The following PHKA1 variants were observed in gnomAD, a reference collection of about 807,000 sequenced individuals.
PHKA1 encodes phosphorylase kinase regulatory subunit alpha 1.
Under a neutral mutation model 110.2 loss-of-function variants are expected in PHKA1, and 60 were observed. The observed-to-expected ratio is 0.54, with a 90% CI of 0.44 to 0.68. The LOEUF (loss-of-function observed/expected upper bound fraction) is 0.68, where lower values mean the gene tolerates loss of function less well. Among genes scored for constraint, PHKA1 ranks in the 30% least tolerant of loss-of-function variants. PHKA1 has a pLI of 0.00. For missense variants in PHKA1, 801 were observed against 942.5 expected (o/e 0.85, Z 1.97); for synonymous variants, 316 against 333.6 (o/e 0.95, Z 0.58).
At chrX:72,690,084 G>A (rs1237550202) in intron 4 of PHKA1, among the ~76,000 whole-genome samples, 1 of 111,529 alleles carries the variant, frequency 9.0e-6, no homozygotes, top group Non-Finnish European at 1.9e-5. Flanking sequence ...TAAGTTCTGC[G>A]AGTTCTTTTA....
intron 3 of PHKA1, among the ~76,000 whole-genome samples, chrX:72,701,380 T>C (rs1281848445): frequency 3.6e-5 from 4 of 111,978 alleles, no homozygotes; most frequent in African/African-American, 1.3e-4. Context: ...AAACAACTCA[T>C]AGATATTTGA....
At chrX:72,592,368 A>C (rs2052533458) in intron 29 of PHKA1, among the ~76,000 whole-genome samples, 2 of 112,403 alleles carry the variant, frequency 1.8e-5, no homozygotes, top group Admixed American at 1.9e-4. Flanking sequence ...GTCCTGGATG[A>C]AGTGATCTTC....
intron 2 of PHKA1, among the ~76,000 whole-genome samples, chrX:72,705,983 TTC>T (rs1323579280): frequency 4.5e-5 from 5 of 112,248 alleles, no homozygotes; most frequent in Non-Finnish European, 9.4e-5. Flanking sequence ...CCAAAAAGCT[TTC>T]TGTTTCACAG....
intron 10 of PHKA1, 148 bp downstream of exon 10, chrX:72,655,972 C>T (rs187299517): frequency 2.2e-4 from 144 of 663,623 alleles, no homozygotes; most frequent in Middle Eastern, 3.2e-4. Context: ...TCTTTTTACT[C>T]TTAGTGCCCT....
At chrX:72,597,041 G>A (rs1188306789) in intron 28 of PHKA1, among the ~76,000 whole-genome samples, 3 of 112,068 alleles carry the variant, frequency 2.7e-5, no homozygotes, top group Non-Finnish European at 5.6e-5. Context: ...AATGGTGCTG[G>A]AACAGTGACA....
chrX:72,674,251 G>C (rs1366712701), intron 6 of PHKA1, among the ~76,000 whole-genome samples: 1 of 110,509 alleles, frequency 9.0e-6, no homozygotes, highest in Non-Finnish European at 1.9e-5. Flanking sequence ...ATTGTGAATA[G>C]TGCCACAATA....
intron 13 of PHKA1, among the ~76,000 whole-genome samples, chrX:72,649,430 G>A (rs1432453162): frequency 2.7e-5 from 3 of 111,885 alleles, no homozygotes; most frequent in African/African-American, 9.7e-5. Context: ...ATGGGATGGA[G>A]ACAAAAGAGG....
chrX:72,683,943 G>A (rs1556317929), intron 5 of PHKA1, among the ~76,000 whole-genome samples: 1 of 112,284 alleles, frequency 8.9e-6, no homozygotes, highest in Non-Finnish European at 1.9e-5. Context: ...AAGAAAAGTT[G>A]TCTATGTTAG....
At position 72,640,428 on chromosome X, in the gene PHKA1, T is replaced by C. The variant is rs989302355; in HGVS notation, c.1459+3934A>G. On this transcript the variant is annotated intron_variant, in intron 14 of 31. Coordinates refer to ENST00000373542, the MANE Select transcript of PHKA1 (RefSeq NM_002637.4). ...GAAAATAACTTTTGAAGAAATTACG[T>C]TAATACAGCTATCAAACTGGATTGT... is the stretch of plus-strand genomic sequence containing the variant. 3.6e-5 allele frequency among the ~76,000 whole-genome samples: 4 copies of C among 112,006 alleles called. No individual in the cohort carries two copies. The East Asian group carries it at 8.3e-4, about 23-fold the overall frequency.
chrX:72,697,629 T>C (rs1287983565), intron 3 of PHKA1, among the ~76,000 whole-genome samples: 1 of 108,992 alleles, frequency 9.2e-6, no homozygotes, highest in Non-Finnish European at 1.9e-5. Context: ...TTGACTAAAA[T>C]AGTTATCGCA....
At chrX:72,681,444 T>TG (rs782361909) in intron 5 of PHKA1, among the ~76,000 whole-genome samples, 4 of 47,641 alleles carry the variant, frequency 8.4e-5, no homozygotes, top group Admixed American at 2.6e-4. Flanking sequence ...GGGAGGGAGG[T>TG]GGGGGGGTCA....
intron 3 of PHKA1, among the ~76,000 whole-genome samples, chrX:72,699,214 T>A (rs1556328557): frequency 9.1e-6 from 1 of 110,072 alleles, no homozygotes; most frequent in African/African-American, 3.3e-5. Flanking sequence ...AAGAAAGTTA[T>A]AAGAATAAAG....
intron 14 of PHKA1, among the ~76,000 whole-genome samples, chrX:72,644,041 T>C (rs1402886083): frequency 8.9e-6 from 1 of 111,750 alleles, no homozygotes; most frequent in African/African-American, 3.2e-5. Flanking sequence ...TCATTCCATA[T>C]AAAATAAGCA....
intron 8 of PHKA1, among the ~76,000 whole-genome samples, chrX:72,657,942 C>T (rs140210270): frequency 6.4e-4 from 71 of 111,712 alleles, no homozygotes; most frequent in African/African-American, 2.2e-3. Context: ...AGTCTGACAG[C>T]ATAATTACTA....
At position 72,619,287 on chromosome X, in the gene PHKA1, G is replaced by A; in HGVS notation, c.2156C>T (p.Pro719Leu). 1.7e-6 allele frequency: 2 copies of A among 1,176,443 alleles called. No homozygotes were observed. The highest frequency in any genetic ancestry group is 2.3e-6 in the Non-Finnish European group (2 of 864,130). The part of the protein sequence containing the change: ...LHVQNVHMYL[P>L]TKLFQASRPS... ...CCGGGAAGCCTGAAATAACTTCGTA[G>A]GAAGATACATGTGAACATCTGCAAA... The change falls in exon 20 of 32, where the codon CCT (proline) becomes CTT (leucine). Residue 719 changes from proline (P) to leucine (L), a missense_variant. Physicochemically the swap from Pro to Leu is moderately conservative, Grantham distance 98. Coordinates refer to ENST00000373542, the MANE Select transcript of PHKA1 (RefSeq NM_002637.4).
intron 19 of PHKA1, 98 bp from the exon 20 acceptor site, chrX:72,619,403 C>T (rs2052945286): frequency 9.4e-6 from 5 of 529,555 alleles, no homozygotes; most frequent in Non-Finnish European, 1.3e-5. Context: ...TGAGTCAGTT[C>T]TTCATAGAAC....
Position 72,600,657 on chromosome X carries a change from A to C in PHKA1, c.3072+1334T>G, listed in dbSNP as rs782658276. Reference sequence around the variant, plus strand: ...CTCAAGTTACCTCAAATTAAGCTTCAAGCACTGGCTCATTGTCTTCCTAAA... The same window carrying C: ...CTCAAGTTACCTCAAATTAAGCTTCCAGCACTGGCTCATTGTCTTCCTAAA... On this transcript the variant is annotated intron_variant, in intron 28 of 31. Transcript: ENST00000373542. Among the ~76,000 whole-genome samples, 11 of 111,520 alleles carry C rather than the reference A, an allele frequency of 9.9e-5. No individual in the cohort carries two copies. The South Asian group carries it at 1.1e-3, about 12-fold the overall frequency.
chrX:72,666,943 T>A (rs2053621844), intron 7 of PHKA1, among the ~76,000 whole-genome samples: 1 of 112,404 alleles, frequency 8.9e-6, no homozygotes, highest in African/African-American at 3.2e-5. Context: ...TGAAAATACA[T>A]ATTTGCCACT....
chrX:72,683,445 AAC>A (rs1227158394), intron 5 of PHKA1, among the ~76,000 whole-genome samples: 1 of 112,090 alleles, frequency 8.9e-6, no homozygotes, highest in Non-Finnish European at 1.9e-5. Context: ...CAGAAATGGA[AAC>A]ACAGATTCAA....
Sources: allele counts gnomAD v4.1 joint callset (sites outside exome capture counted in the v4.1 genomes callset), GRCh38; gene constraint gnomAD v4.1.1; transcripts MANE v1.5; gene names NCBI Gene and HGNC (gene_info 2026-07-23, HGNC 2026-07-21).